The following NTRK3 variants were observed in gnomAD, a reference collection of about 807,000 sequenced individuals.
The protein encoded by NTRK3 is neurotrophic receptor tyrosine kinase 3, also known as NT-3 growth factor receptor.
In NTRK3, 24 loss-of-function variants were observed where a neutral mutation model predicts 91.7. The observed-to-expected ratio is 0.26, with a 90% confidence interval of 0.19 to 0.37. NTRK3 has a LOEUF of 0.37. NTRK3 is among the 10% of genes least tolerant of loss of function. The pLI, the probability that NTRK3 is intolerant of heterozygous loss-of-function variation, is 1.00. For missense variants in NTRK3, 880 were observed against 1,068.9 expected (o/e 0.82, Z 2.46); for synonymous variants, 483 against 404.0 (o/e 1.20, Z -2.34).
intron 5 of NTRK3, among the ~76,000 whole-genome samples, chr15:88,164,140 G>A (rs1597701077): frequency 6.6e-6 from 1 of 152,158 alleles, no homozygotes; most frequent in African/African-American, 2.4e-5. Context: ...GGAATCCAGG[G>A]AAGAACTCTT....
At chr15:87,960,056 T>G (rs569217341) in intron 14 of NTRK3, among the ~76,000 whole-genome samples, 1 of 152,158 alleles carries the variant, frequency 6.6e-6, no homozygotes, top group African/African-American at 2.4e-5. Context: ...TGTAGAGCAG[T>G]TGAGTTCAGC....
In NTRK3 at chr15:88,233,064, G is replaced by C. The variant is rs12595373; in HGVS notation, c.248+22842C>G. ...CTTTTATAAATCTCTGCCTCTTAATGATGGCTTCAAGGCTGAGGGGAGAAG... is the reference window on the plus strand; with the variant it reads ...CTTTTATAAATCTCTGCCTCTTAATCATGGCTTCAAGGCTGAGGGGAGAAG... On this transcript the variant is annotated intron_variant, in intron 3 of 18. Transcript: ENST00000394480. The surrounding 1 kb of genome is among the most constrained non-coding windows in gnomAD (Gnocchi z 4.2). Among the ~76,000 whole-genome samples, 1,143 of 152,282 alleles carry C rather than the reference G, an allele frequency of 7.5e-3. 48 individuals are homozygous for C. Among genetic ancestry groups the C allele is most frequent in the Admixed American group, 0.055 (840 of 15,302 alleles).
At chr15:88,250,798 GTTTAT>G (rs1190705998) in intron 3 of NTRK3, among the ~76,000 whole-genome samples, 1 of 152,180 alleles carries the variant, frequency 6.6e-6, no homozygotes, top group Non-Finnish European at 1.5e-5. Context: ...CAATCAAAAA[GTTTAT>G]TTTATAAACC....
chr15:88,129,384 G>A (rs1230902058), intron 10 of NTRK3, among the ~76,000 whole-genome samples: 2 of 152,212 alleles, frequency 1.3e-5, no homozygotes, highest in Admixed American at 6.5e-5. Flanking sequence ...ATTCTAAGAG[G>A]TGGTAGCATT....
At chr15:88,062,076 A>AT (rs1355819733) in intron 13 of NTRK3, among the ~76,000 whole-genome samples, 4 of 152,240 alleles carry the variant, frequency 2.6e-5, no homozygotes, top group Non-Finnish European at 4.4e-5. Flanking sequence ...CTTACATTGT[A>AT]TTAAGTTTTA....
At chr15:87,937,338 G>T (rs1442317825) in intron 15 of NTRK3, among the ~76,000 whole-genome samples, 2 of 152,142 alleles carry the variant, frequency 1.3e-5, no homozygotes, top group Admixed American at 6.5e-5. Context: ...GAGTTTTTAT[G>T]GAAGCTAGGA....
chr15:88,117,757 AG>A (rs2052258150), intron 13 of NTRK3, among the ~76,000 whole-genome samples: 1 of 152,260 alleles, frequency 6.6e-6, no homozygotes, highest in Non-Finnish European at 1.5e-5. Flanking sequence ...AAAACAATAA[AG>A]AAGCAGGCAC....
At chr15:88,012,329 C>T (rs1327669378) in intron 14 of NTRK3, among the ~76,000 whole-genome samples, 1 of 152,164 alleles carries the variant, frequency 6.6e-6, no homozygotes, top group Non-Finnish European at 1.5e-5. Flanking sequence ...TTCTCACTTC[C>T]TTCCTTATTA....
chr15:88,191,163 C>CGTGTGTGTGT lies in NTRK3; in HGVS notation c.249-6874_249-6865dup, dbSNP rs60048541. Among the ~76,000 whole-genome samples, 949 of 137,946 alleles carry CGTGTGTGTGT rather than the reference C, an allele frequency of 6.9e-3. 12 individuals are homozygous for CGTGTGTGTGT. The highest frequency in any genetic ancestry group is 0.022 in the African/African-American group (815 of 37,180). The allele number at this position is 137,946 out of a possible 152,430, so 90.5% of individuals were successfully genotyped here. A position where few individuals can be genotyped will look rare whatever the true frequency, so the allele number is the denominator to read the frequency against. On this transcript the variant is annotated intron_variant, in intron 3 of 18. Coordinates refer to ENST00000394480, the Ensembl canonical transcript of NTRK3. The stretch of plus-strand genomic sequence containing the variant: ...GGAGGCAGCTGAAGCTGATGTTTCC[C>CGTGTGTGTGT]GTGTGTGTGTGTGTGTGTGTGTGTG...
exon 8 of NTRK3, chr15:88,136,556 T>G: frequency 1.2e-6 from 2 of 1,613,888 alleles, no homozygotes; most frequent in Non-Finnish European, 1.7e-6. Context: ...ATAACAGCGT[T>G]GTCACCCTCT....
chr15:87,940,504 T>C, intron 15 of NTRK3, 119 bp downstream of exon 15: 2 of 1,512,712 alleles, frequency 1.3e-6, no homozygotes, highest in Non-Finnish European at 1.8e-6. Flanking sequence ...CAAAGTCCTT[T>C]GATTGCATCT....
At chr15:88,123,677 T>G (rs2052976308) in intron 13 of NTRK3, among the ~76,000 whole-genome samples, 1 of 152,190 alleles carries the variant, frequency 6.6e-6, no homozygotes, top group Non-Finnish European at 1.5e-5. Context: ...AATCAATACA[T>G]GTAAGATGTA....
chr15:88,026,954 A>G (rs1277103425), intron 14 of NTRK3, among the ~76,000 whole-genome samples: 1 of 152,200 alleles, frequency 6.6e-6, no homozygotes, highest in Non-Finnish European at 1.5e-5. Context: ...GCCCAGCCTC[A>G]TGACTTCAGA....
intron 3 of NTRK3, among the ~76,000 whole-genome samples, chr15:88,197,408 A>AT (rs1344472436): frequency 2.0e-5 from 3 of 152,254 alleles, no homozygotes; most frequent in Non-Finnish European, 4.4e-5. Context: ...TCTAGGCTCC[A>AT]TTTTTTACAA....
intron 3 of NTRK3, among the ~76,000 whole-genome samples, chr15:88,228,025 A>C (rs963552239): frequency 6.6e-6 from 1 of 152,128 alleles, no homozygotes; most frequent in African/African-American, 2.4e-5. Context: ...TTTATGCCCA[A>C]GCCAGCCCAG....
intron 13 of NTRK3, among the ~76,000 whole-genome samples, chr15:88,084,793 G>A (rs1427071466): frequency 1.3e-5 from 2 of 152,190 alleles, no homozygotes; most frequent in African/African-American, 4.8e-5. Flanking sequence ...TTCTCATGCA[G>A]GCAACTCTAC....
intron 3 of NTRK3, among the ~76,000 whole-genome samples, chr15:88,250,608 T>C (rs1035780880): frequency 3.9e-5 from 6 of 152,108 alleles, no homozygotes; most frequent in Admixed American, 1.3e-4. Flanking sequence ...ACCCAGCTTA[T>C]TCCCTCCTCA....
chr15:88,008,487 G>T (rs1199939996), intron 14 of NTRK3, among the ~76,000 whole-genome samples: 3 of 151,970 alleles, frequency 2.0e-5, no homozygotes, highest in African/African-American at 7.3e-5. Flanking sequence ...GGACACAGTG[G>T]TCCAAGAACC....
In NTRK3 at chr15:88,062,209, G is replaced by T. The variant is rs2046284559; in HGVS notation, c.1397-29164C>A. 2.6e-5 allele frequency among the ~76,000 whole-genome samples: 4 copies of T among 152,112 alleles called. No homozygotes were observed. The South Asian group carries it at 8.3e-4, about 32-fold the overall frequency. On this transcript the variant is annotated intron_variant, in intron 13 of 18. Transcript: ENST00000394480. ...TCCGCAGAACGGGGAGGTGGGTTCT[G>T]GAACCATTCCCTCATGAATACTGAG... is the stretch of plus-strand genomic sequence containing the variant.
Sources: gnomAD v4.1 joint callset for allele counts (sites outside exome capture counted in the v4.1 genomes callset) on GRCh38, gnomAD v4.1.1 for gene constraint, Gnocchi (gnomAD v3.1) non-coding constraint, MANE v1.5 for transcripts, NCBI Gene and HGNC (gene_info 2026-07-23, HGNC 2026-07-21) for gene names.